Variants in MTTP observed in about 807,000 individuals in gnomAD.
MTTP encodes microsomal triglyceride transfer protein, also known as microsomal triglyceride transfer protein large subunit.
In MTTP, 49 loss-of-function variants were observed where a neutral mutation model predicts 90.6. The ratio of observed to expected loss-of-function variants is 0.54; its 90% CI spans 0.43 to 0.69. MTTP has a LOEUF of 0.69. Among genes scored for constraint, MTTP ranks in the 30% least tolerant of loss-of-function variants. The pLI, the probability that MTTP is intolerant of heterozygous loss-of-function variation, is 0.00. For synonymous variants in MTTP, 347 were observed against 384.2 expected (o/e 0.90, Z 1.13); for missense variants, 945 against 1,067.5 (o/e 0.89, Z 1.60).
chr4:99,600,246 T>G (rs552680686), intron 8 of MTTP, among the ~76,000 whole-genome samples: 152 of 152,286 alleles, frequency 1.0e-3, no homozygotes, highest in African/African-American at 3.5e-3. Flanking sequence ...AATTTGAACT[T>G]AATTTATAAT....
At chr4:99,595,265 G>C (rs1287824638) in intron 7 of MTTP, among the ~76,000 whole-genome samples, 1 of 152,108 alleles carries the variant, frequency 6.6e-6, no homozygotes, top group Non-Finnish European at 1.5e-5. Flanking sequence ...ATACTTTACT[G>C]GCCTCAGTGT....
upstream of MTTP, among the ~76,000 whole-genome samples, chr4:99,570,352 T>C (rs11933250): frequency 0.26 from 39,721 of 151,692 alleles, 5,365 homozygotes; most frequent in South Asian, 0.35. Context: ...CTAATTTTCA[T>C]TGATACTGTT....
intron 1 of MTTP, chr4:99,564,316 G>T: frequency 7.2e-7 from 1 of 1,391,228 alleles, no homozygotes; most frequent in Non-Finnish European, 9.6e-7. Context: ...TAATTTTTCT[G>T]TGTTGAAAAT....
intron 7 of MTTP, chr4:99,595,573 G>A (rs1725534446): frequency 6.5e-6 from 1 of 152,816 alleles, no homozygotes; most frequent in Admixed American, 6.5e-5. Context: ...ACTATAGGGA[G>A]ATGCTCTTTC....
Position 99,574,843 on chromosome 4 carries a change from T to C in MTTP, c.-67T>C, listed in dbSNP as rs753346684. 3.1e-6 allele frequency: 5 copies of C among 1,613,944 alleles called. No homozygotes were observed. Among genetic ancestry groups the C allele is most frequent in the African/African-American group, 1.3e-5 (1 of 75,042 alleles). On this transcript the variant is annotated 5_prime_UTR_variant, in exon 1 of 18. Coordinates refer to ENST00000265517, the MANE Select transcript of MTTP (RefSeq NM_001386140.1). ...AGGGTCACTCCCTCACTGGCTGCCATTGAAAGAGTCCACTTCTCAGTGACT... is the reference window on the plus strand; with the variant it reads ...AGGGTCACTCCCTCACTGGCTGCCACTGAAAGAGTCCACTTCTCAGTGACT...
rs1725407237 is a variant in MTTP, at chr4:99,591,134, C to T, written c.502-101C>T. 3.6e-6 allele frequency: 3 copies of T among 844,722 alleles called. No individual in the cohort carries two copies. The Admixed American group carries it at 5.2e-5, about 15-fold the overall frequency. 52.3% of individuals were successfully genotyped at this position (844,722 alleles called of 1,614,324 possible). ...TCATCCTGGGGGAGAAAAAAAGTCC[C>T]CTATGGCCTATTAGAGACCTCAATT... is the stretch of plus-strand genomic sequence containing the variant. On this transcript the variant is annotated intron_variant, in intron 4 of 17. Transcript: ENST00000265517.
exon 1 of MTTP, chr4:99,564,214 A>G (rs1456771903): frequency 1.3e-6 from 2 of 1,535,636 alleles, no homozygotes; most frequent in Non-Finnish European, 1.7e-6. Context: ...GTACCTGCAG[A>G]CGTGTATTCA....
chr4:99,618,838 C>A, intron 15 of MTTP, 136 bp from the exon 16 acceptor site: 1 of 1,174,626 alleles, frequency 8.5e-7, no homozygotes, highest in Non-Finnish European at 1.2e-6. Flanking sequence ...TGTTTCCAAG[C>A]CTAGAGAAAG....
intron 3 of MTTP, chr4:99,584,246 G>A (rs1034509284): frequency 6.6e-6 from 1 of 152,070 alleles, no homozygotes; most frequent in East Asian, 1.9e-4. Flanking sequence ...GAAAATTACA[G>A]ATAGTGTGTT....
Position 99,594,980 on chromosome 4 carries a change from T to TA in MTTP, c.909+100dup. 2.1e-6 allele frequency: 3 copies of TA among 1,436,188 alleles called. No individual in the cohort carries two copies. The Admixed American group carries it at 5.3e-5, about 25-fold the overall frequency. The allele number at this position is 1,436,188 out of a possible 1,614,324, so 89.0% of individuals were successfully genotyped here. ...CAACTCATTCAATGAAGACAGTTTCTAAAGAACTACCAGCTACCACAGAGT... is the reference window on the plus strand; with the variant it reads ...CAACTCATTCAATGAAGACAGTTTCTAAAAGAACTACCAGCTACCACAGAGT... On this transcript the variant is annotated intron_variant, in intron 7 of 17. Coordinates refer to ENST00000265517, the MANE Select transcript of MTTP (RefSeq NM_001386140.1).
At chr4:99,612,055 A>G (rs926681621) in intron 14 of MTTP, among the ~76,000 whole-genome samples, 2 of 152,166 alleles carry the variant, frequency 1.3e-5, no homozygotes, top group Admixed American at 1.3e-4. Context: ...TAATAATGAC[A>G]TGTACTTTCT....
chr4:99,588,663 A>G (rs1725316112), intron 3 of MTTP, among the ~76,000 whole-genome samples: 1 of 149,958 alleles, frequency 6.7e-6, no homozygotes, highest in African/African-American at 2.5e-5. Flanking sequence ...AGCAATCTCA[A>G]CCTCAAATTT....
At chr4:99,611,304 T>C in intron 13 of MTTP, 28 bp from the exon 14 acceptor site, 6 of 1,614,050 alleles carry the variant, frequency 3.7e-6, no homozygotes, top group Non-Finnish European at 5.1e-6. Context: ...GGAACTGCTA[T>C]TAAATTACAG....
rs751255295 is a variant in MTTP, at chr4:99,621,084, A to T, written c.2366A>T (p.Asp789Val). The stretch of plus-strand genomic sequence containing the variant: ...AGGGTGACTGTGGTAATAACCACTG[A>T]CATCACAGTGGACTCCTCTTTTGTG... ...KNRVTVVITT[D>V]ITVDSSFVKA... Residue 789 changes from aspartate to valine, a missense_variant, in exon 17 of 18, where the codon GAC becomes GTC. Transcript: ENST00000265517. The T allele has an allele frequency of 2.5e-6, 4 of 1,613,946 alleles. No homozygotes were observed. In the South Asian group the frequency reaches 4.4e-5, roughly 18 times the overall value.
intron 15 of MTTP, among the ~76,000 whole-genome samples, chr4:99,618,365 T>C (rs1053491122): frequency 1.3e-5 from 2 of 152,168 alleles, no homozygotes; most frequent in Admixed American, 6.5e-5. Context: ...CAGGATGCAG[T>C]TGACTGTATT....
rs1239785716 is a variant in MTTP, at chr4:99,622,875, T to C, written c.*27T>C. 3.7e-6 allele frequency: 6 copies of C among 1,610,374 alleles called. No individual in the cohort carries two copies. The highest frequency in any genetic ancestry group is 1.3e-5 in the African/African-American group (1 of 74,932). On this transcript the variant is annotated 3_prime_UTR_variant, in exon 18 of 18. Coordinates refer to ENST00000265517, the MANE Select transcript of MTTP (RefSeq NM_001386140.1). ...ACTGACCTGTGATATTTTACTTGAA[T>C]TTGTCTCCCCGAAAGGGACACAATG...
In MTTP at chr4:99,589,693, C is replaced by G. The variant is rs1725366781; in HGVS notation, c.444C>G (p.Ile148Met). ...YQNEAVAIEN[I>M]KRGLASLFQT... ...ATGAGGCAGTGGCCATAGAAAATATCAAGAGAGGTCTGGCTAGCCTATTTC... is the reference window on the plus strand; with the variant it reads ...ATGAGGCAGTGGCCATAGAAAATATGAAGAGAGGTCTGGCTAGCCTATTTC... The change falls in exon 4 of 18, where the codon ATC becomes ATG. Residue 148 changes from isoleucine to methionine, a missense_variant. Ile to Met is a conservative substitution (Grantham distance 10, BLOSUM62 1). Coordinates refer to ENST00000265517, the MANE Select transcript of MTTP (RefSeq NM_001386140.1). The G allele has an allele frequency of 6.2e-7, 1 of 1,610,478 alleles. No individual in the cohort carries two copies. Among genetic ancestry groups the G allele is most frequent in the Non-Finnish European group, 8.5e-7 (1 of 1,177,008 alleles).
At chr4:99,600,379 GA>G (rs1423717057) in intron 8 of MTTP, among the ~76,000 whole-genome samples, 185 bp from the exon 9 acceptor site, 1 of 151,876 alleles carries the variant, frequency 6.6e-6, no homozygotes, top group East Asian at 1.9e-4. Flanking sequence ...CGTTCAAGGA[GA>G]AAATTAAAAT....
intron 15 of MTTP, 143 bp downstream of exon 15, chr4:99,613,283 T>C (rs1726008868): frequency 5.6e-6 from 4 of 718,742 alleles, no homozygotes; most frequent in Non-Finnish European, 7.3e-6. Flanking sequence ...CTCTTGGTAT[T>C]GGTCCCCTTT....
Sources: gnomAD v4.1 joint callset for allele counts (sites outside exome capture counted in the v4.1 genomes callset) on GRCh38, gnomAD v4.1.1 for gene constraint, MANE v1.5 for transcripts, NCBI Gene and HGNC (gene_info 2026-07-23, HGNC 2026-07-21) for gene names.